GRID2: variants seen among roughly 807,000 people sequenced by gnomAD.
GRID2 encodes the protein glutamate receptor ionotropic, delta-2.
GRID2 carries 33 observed loss-of-function variants against 114.8 expected under a neutral mutation model. That is an observed-to-expected ratio of 0.29 (90% CI 0.22 to 0.38). The LOEUF is 0.38. Ranked by LOEUF, GRID2 falls within the 10% of genes least tolerant of loss-of-function variation. The pLI is 1.00. For synonymous variants in GRID2, 505 were observed against 449.9 expected (o/e 1.12, Z -1.55); for missense variants, 1,184 against 1,257.7 (o/e 0.94, Z 0.89).
At chr4:93,519,655 G>A (rs1161640803) in intron 13 of GRID2, among the ~76,000 whole-genome samples, 1 of 152,100 alleles carries the variant, frequency 6.6e-6, no homozygotes, top group East Asian at 1.9e-4. Flanking sequence ...TAGAATCTCA[G>A]CATAGAAGAC....
At chr4:92,682,398 G>C (rs1733690770) in intron 2 of GRID2, among the ~76,000 whole-genome samples, 1 of 152,110 alleles carries the variant, frequency 6.6e-6, no homozygotes, top group Non-Finnish European at 1.5e-5. Flanking sequence ...CATCACCTGG[G>C]AATTTGGTAA....
At chr4:92,879,247 C>T (rs142289716) in intron 2 of GRID2, among the ~76,000 whole-genome samples, 24 of 152,176 alleles carry the variant, frequency 1.6e-4, no homozygotes, top group African/African-American at 5.8e-4. Context: ...TGATACTTTG[C>T]CTCTCCCAAT....
intron 2 of GRID2, among the ~76,000 whole-genome samples, chr4:92,798,726 G>T (rs1348173607): frequency 1.3e-5 from 2 of 151,970 alleles, no homozygotes; most frequent in Non-Finnish European, 2.9e-5. Flanking sequence ...TTGTTAATAA[G>T]TACCTGAAAT....
chr4:92,590,764 C>A (rs760239337), intron 2 of GRID2, among the ~76,000 whole-genome samples: 2 of 152,130 alleles, frequency 1.3e-5, no homozygotes, highest in Non-Finnish European at 2.9e-5. Flanking sequence ...TACTGACCTA[C>A]GCTATAAATT....
intron 14 of GRID2, among the ~76,000 whole-genome samples, chr4:93,645,594 T>C (rs1390852467): frequency 6.6e-6 from 1 of 152,174 alleles, no homozygotes; most frequent in Non-Finnish European, 1.5e-5. Flanking sequence ...ACAAACCTAA[T>C]TAAATCTCTT....
chr4:93,691,157 A>G (rs941197427), intron 14 of GRID2, among the ~76,000 whole-genome samples: 8 of 151,772 alleles, frequency 5.3e-5, no homozygotes, highest in African/African-American at 1.9e-4. Context: ...TTGTTACAAA[A>G]TATCTATTTC....
chr4:93,365,081 T>G (rs750880159), intron 8 of GRID2, among the ~76,000 whole-genome samples: 2 of 152,182 alleles, frequency 1.3e-5, no homozygotes, highest in Non-Finnish European at 2.9e-5. Context: ...TACTGATGTT[T>G]CACCTAGATT....
intron 1 of GRID2, among the ~76,000 whole-genome samples, chr4:92,528,973 G>A (rs1725179166): frequency 6.6e-6 from 1 of 152,046 alleles, no homozygotes; most frequent in Non-Finnish European, 1.5e-5. Flanking sequence ...GAACATCTAA[G>A]TGAATCTTCA....
At position 92,590,162 on chromosome 4, in the gene GRID2, T is replaced by G. The variant is rs1463044020; in HGVS notation, c.120T>G (p.Asp40Glu). 1.9e-6 allele frequency: 3 copies of G among 1,612,360 alleles called. No individual in the cohort carries two copies. Among genetic ancestry groups the G allele is most frequent in the Middle Eastern group, 1.7e-4 (1 of 6,058 alleles). Residue 40 changes from aspartate to glutamate, a missense_variant, in exon 2 of 16, where the codon GAT (aspartate) becomes GAG (glutamate). Asp to Glu is a conservative substitution (Grantham distance 45, BLOSUM62 2). Coordinates refer to ENST00000282020, the MANE Select transcript of GRID2 (RefSeq NM_001510.4). ...TTTTTGATGAATCTGCCAAAAAGGA[T>G]GATGAGGTATTTCGCACTGCGGTTG... ...GAIFDESAKK[D>E]DEVFRTAVGD...
intron 13 of GRID2, among the ~76,000 whole-genome samples, chr4:93,544,232 T>C (rs187532435): frequency 2.6e-5 from 4 of 152,240 alleles, no homozygotes; most frequent in African/African-American, 9.6e-5. Flanking sequence ...GTGGAATAGA[T>C]AATATGGAAC....
At chr4:92,562,426 G>A (rs1727140442) in intron 1 of GRID2, among the ~76,000 whole-genome samples, 1 of 152,110 alleles carries the variant, frequency 6.6e-6, no homozygotes, top group Admixed American at 6.6e-5. Flanking sequence ...TTCTCTTTTT[G>A]AGGGTAAGTA....
chr4:92,904,326 A>C (rs891042859), intron 2 of GRID2, among the ~76,000 whole-genome samples: 2 of 150,006 alleles, frequency 1.3e-5, no homozygotes, highest in African/African-American at 2.4e-5. Flanking sequence ...AATACCTTAT[A>C]TAAATAAATA....
chr4:92,494,440 A>G (rs973556175), intron 1 of GRID2, among the ~76,000 whole-genome samples: 3 of 152,072 alleles, frequency 2.0e-5, no homozygotes, highest in Non-Finnish European at 2.9e-5. Context: ...ATATAGACAC[A>G]GAAACATTTA....
chr4:93,117,373 A>AT (rs1190371889), intron 4 of GRID2, among the ~76,000 whole-genome samples: 5 of 151,940 alleles, frequency 3.3e-5, no homozygotes, highest in African/African-American at 1.2e-4. Context: ...TTTCAGGAAC[A>AT]TTTTGCATGT....
intron 2 of GRID2, among the ~76,000 whole-genome samples, chr4:93,006,876 C>T (rs1296662880): frequency 6.6e-6 from 1 of 151,566 alleles, no homozygotes; most frequent in African/African-American, 2.4e-5. Flanking sequence ...TGAAATTTCT[C>T]TTCCTTCCAA....
At chr4:93,097,149 A>T (rs1031035395) in intron 3 of GRID2, among the ~76,000 whole-genome samples, 4 of 152,002 alleles carry the variant, frequency 2.6e-5, no homozygotes, top group Non-Finnish European at 5.9e-5. Context: ...GATTGTCTGG[A>T]AAGCGACACA....
intron 9 of GRID2, among the ~76,000 whole-genome samples, chr4:93,416,625 T>C (rs921910470): frequency 1.3e-5 from 2 of 152,056 alleles, no homozygotes; most frequent in African/African-American, 2.4e-5. Context: ...TGTCAGATGC[T>C]TTTTTCCAAC....
chr4:92,842,307 G>A (rs73837366), intron 2 of GRID2, among the ~76,000 whole-genome samples: 101 of 152,142 alleles, frequency 6.6e-4, no homozygotes, highest in African/African-American at 2.2e-3. Flanking sequence ...AAGCAGAGAC[G>A]GCATGCCTGC....
intron 2 of GRID2, among the ~76,000 whole-genome samples, chr4:92,935,350 A>G (rs1359423331): frequency 6.8e-6 from 1 of 147,128 alleles, no homozygotes; most frequent in Non-Finnish European, 1.5e-5. Context: ...ATCTCACACC[A>G]GTTAGAATGG....
Sources: gnomAD v4.1 joint callset for allele counts (sites outside exome capture counted in the v4.1 genomes callset) on GRCh38, gnomAD v4.1.1 for gene constraint, MANE v1.5 for transcripts, NCBI Gene and HGNC (gene_info 2026-07-23, HGNC 2026-07-21) for gene names.